IL17B: variants seen among roughly 807,000 people sequenced by gnomAD.
The protein encoded by IL17B is interleukin 17B, also known as interleukin-17B.
Under a neutral mutation model 14.7 loss-of-function variants are expected in IL17B, and 14 were observed. The observed-to-expected ratio is 0.95, with a 90% CI of 0.63 to 1.49. The LOEUF (loss-of-function observed/expected upper bound fraction) is 1.49. Ranked by LOEUF, IL17B falls within the 40% of genes most tolerant of loss-of-function variation. The pLI is 0.00. For missense variants in IL17B, 233 were observed against 252.8 expected, an observed-to-expected ratio of 0.92 and a Z score of 0.53; for synonymous variants, 105 against 94.8, an observed-to-expected ratio of 1.11 and a Z score of -0.62.
intron 1 of IL17B, among the ~76,000 whole-genome samples, chr5:149,393,466 G>A (rs935405304): frequency 2.0e-5 from 3 of 152,202 alleles, no homozygotes; most frequent in Admixed American, 6.5e-5. Context: ...CTAGTTCAGT[G>A]TGAAGCCTAG....
chr5:149,390,587 GCA>G (rs56268721), intron 1 of IL17B, among the ~76,000 whole-genome samples: 30,568 of 114,752 alleles, frequency 0.27, 4,002 homozygotes, highest in South Asian at 0.43. Flanking sequence ...CCCTGAGTTA[GCA>G]CACACACACA....
At chr5:149,395,044 T>G (rs1351408300) in intron 1 of IL17B, among the ~76,000 whole-genome samples, 1 of 152,170 alleles carries the variant, frequency 6.6e-6, no homozygotes, top group Non-Finnish European at 1.5e-5. Flanking sequence ...GCCCCAGTAT[T>G]TAGTGTTCCC....
At chr5:149,390,713 G>A (rs371488) in intron 1 of IL17B, among the ~76,000 whole-genome samples, 2,125 of 151,226 alleles carry the variant, frequency 0.014, 30 homozygotes, top group Non-Finnish European at 0.022. Context: ...TCCAAAGTAG[G>A]GTGTCATTTG....
chr5:149,378,997 C>T (rs980614503), intron 1 of IL17B, among the ~76,000 whole-genome samples: 5 of 152,182 alleles, frequency 3.3e-5, no homozygotes, highest in African/African-American at 9.7e-5. Context: ...CAGTGTGCCC[C>T]GGCTGAGCCC....
At chr5:149,381,017 G>A (rs533531031), upstream of IL17B, among the ~76,000 whole-genome samples, 7 of 151,970 alleles carry the variant, frequency 4.6e-5, no homozygotes, top group South Asian at 1.0e-3. Flanking sequence ...CCCACTGGCC[G>A]GGCGGCCTGG....
chr5:149,375,604 G>A (rs1189078414), intron 2 of IL17B, among the ~76,000 whole-genome samples: 2 of 152,142 alleles, frequency 1.3e-5, no homozygotes, highest in Non-Finnish European at 2.9e-5. Context: ...CAAATTAATC[G>A]GGCTGAGCAT....
At chr5:149,397,507 T>G (rs575731203) in intron 1 of IL17B, among the ~76,000 whole-genome samples, 2 of 152,320 alleles carry the variant, frequency 1.3e-5, no homozygotes, top group African/African-American at 4.8e-5. Flanking sequence ...AGTAGCCTTA[T>G]ACACTTCACT....
At chr5:149,379,095 T>C in intron 1 of IL17B, 110 bp downstream of exon 1, 1 of 1,344,420 alleles carries the variant, frequency 7.4e-7, no homozygotes, top group Non-Finnish European at 1.1e-6. Flanking sequence ...AGAAGTTGCC[T>C]CTGCAGATTC....
At chr5:149,380,084 A>G (rs1260720389), upstream of IL17B, among the ~76,000 whole-genome samples, 1 of 152,142 alleles carries the variant, frequency 6.6e-6, no homozygotes, top group Non-Finnish European at 1.5e-5. Context: ...CCGCTCTCAG[A>G]GACTGTGTGG....
chr5:149,392,341 G>A (rs1241599509), intron 1 of IL17B, among the ~76,000 whole-genome samples: 1 of 152,188 alleles, frequency 6.6e-6, no homozygotes, highest in Non-Finnish European at 1.5e-5. Context: ...ATCCTTATAG[G>A]ATGGGTTGCA....
At chr5:149,379,370 A>T (rs1758627924), upstream of IL17B, 1 of 925,424 alleles carries the variant, frequency 1.1e-6, no homozygotes, top group South Asian at 1.6e-5. Flanking sequence ...GCTCGTCATC[A>T]GCTGGGAGCC....
intron 2 of IL17B, 64 bp downstream of exon 2, chr5:149,376,672 A>G (rs1758546043): frequency 2.0e-6 from 3 of 1,530,150 alleles, no homozygotes; most frequent in Non-Finnish European, 2.6e-6. Context: ...AACCATTACA[A>G]TGACTGGGGC....
At chr5:149,385,439 C>A (rs528067978) in intron 1 of IL17B, among the ~76,000 whole-genome samples, 1 of 152,216 alleles carries the variant, frequency 6.6e-6, no homozygotes, top group African/African-American at 2.4e-5. Context: ...CCACCGTACG[C>A]GGCCAGTTTT....
upstream of IL17B, among the ~76,000 whole-genome samples, chr5:149,379,712 G>A (rs1758639516): frequency 6.6e-6 from 1 of 152,174 alleles, no homozygotes. Context: ...ATCTCCCAGG[G>A]AAACAGCCTC....
rs555626238 is a variant in IL17B at position 149,389,896 on chromosome 5, C to T, written n.96-12871G>A. 1.4e-3 allele frequency among the ~76,000 whole-genome samples: 213 copies of T among 152,326 alleles called. 1 individual carries two copies. Among genetic ancestry groups the T allele is most frequent in the Non-Finnish European group, 1.2e-3 (83 of 68,022 alleles). On this transcript the variant is annotated intron_variant and non_coding_transcript_variant, in intron 1 of 2. Coordinates refer to the IL17B transcript ENST00000505432. ...GTGGTTTACGAAGGCTTGGAGTCAG[C>T]CTGCAGCCCTGAGCATGGCTGAGGA...
chr5:149,377,097 G>A, intron 1 of IL17B, 72 bp from the exon 2 acceptor site: 1 of 1,340,722 alleles, frequency 7.5e-7, no homozygotes, highest in Admixed American at 2.6e-5. Context: ...GGGGTCCATG[G>A]TCCTTTCCCA....
chr5:149,387,441 A>T (rs896575079), intron 1 of IL17B, among the ~76,000 whole-genome samples: 1 of 152,180 alleles, frequency 6.6e-6, no homozygotes, highest in Non-Finnish European at 1.5e-5. Context: ...GCGTGATGGT[A>T]AAAGGGTTAC....
intron 1 of IL17B, among the ~76,000 whole-genome samples, chr5:149,392,357 T>C (rs1758987065): frequency 6.6e-6 from 1 of 152,224 alleles, no homozygotes; most frequent in South Asian, 2.1e-4. Context: ...TTGCATGACT[T>C]ATGGCACTTC....
chr5:149,376,998 G>C lies in IL17B; in HGVS notation c.49C>G (p.Leu17Val). ...LLFLLTISIF[L>V]GLGQPRSPKS... ...GGGCTCCTGGGCTGGCCCAGCCCCA[G>C]GAAGATGGAAATGGTAAGAAGAAAC... The change falls in exon 2 of 3, where the codon CTG becomes GTG. Residue 17 changes from leucine to valine, a missense_variant. Transcript: ENST00000261796. 6.4e-7 allele frequency: 1 copy of C among 1,568,034 alleles called. No individual in the cohort carries two copies. Among genetic ancestry groups the C allele is most frequent in the South Asian group, 1.2e-5 (1 of 83,524 alleles).
Sources: allele counts gnomAD v4.1 joint callset (sites outside exome capture counted in the v4.1 genomes callset), GRCh38; gene constraint gnomAD v4.1.1; transcripts MANE v1.5; gene names NCBI Gene and HGNC (gene_info 2026-07-23, HGNC 2026-07-21).